Variants in LRRIQ3 observed in about 807,000 individuals in gnomAD.
LRRIQ3 encodes leucine rich repeats and IQ motif containing 3, also known as leucine-rich repeat and IQ domain-containing protein 3.
In LRRIQ3, 75 loss-of-function variants were observed where a neutral mutation model predicts 59.3. The observed-to-expected ratio is 1.26, with a 90% CI of 1.05 to 1.53. The LOEUF is 1.53. LRRIQ3 is among the 40% of genes most tolerant of loss of function. LRRIQ3 has a pLI of 0.00. For synonymous variants in LRRIQ3, 250 were observed against 231.3 expected, an observed-to-expected ratio of 1.08 and a Z score of -0.73; for missense variants, 831 against 710.0, an observed-to-expected ratio of 1.17 and a Z score of -1.94.
chr1:74,119,232 T>A (rs542179666), intron 4 of LRRIQ3, among the ~76,000 whole-genome samples: 195 of 152,124 alleles, frequency 1.3e-3, no homozygotes, highest in African/African-American at 4.6e-3. Flanking sequence ...CCACTTTAAA[T>A]TTTTTTTCAA....
chr1:74,060,646 C>A (rs1435442810), intron 6 of LRRIQ3, among the ~76,000 whole-genome samples: 1 of 151,826 alleles, frequency 6.6e-6, no homozygotes, highest in Non-Finnish European at 1.5e-5. Flanking sequence ...GTAGTCCCAG[C>A]TAATAGAGAT....
chr1:74,164,706 A>G (rs1435123324), intron 3 of LRRIQ3, among the ~76,000 whole-genome samples: 1 of 151,570 alleles, frequency 6.6e-6, no homozygotes, highest in Non-Finnish European at 1.5e-5. Context: ...TTTACAAAGT[A>G]TGCTTTTGAT....
In LRRIQ3 at chr1:74,160,234, A is replaced by C. The variant is rs140576942; in HGVS notation, c.574-4368T>G. Among the ~76,000 whole-genome samples, 278 of 152,194 alleles carry C rather than the reference A, an allele frequency of 1.8e-3. No homozygotes were observed. The Middle Eastern group carries it at 0.024, about 13-fold the overall frequency. ...ATATCCTCTAAACTCCAAGAACACGAAACTACTTGTTGTCACTTGCATGTG... is the reference window on the plus strand; with the variant it reads ...ATATCCTCTAAACTCCAAGAACACGCAACTACTTGTTGTCACTTGCATGTG... On this transcript the variant is annotated intron_variant, in intron 3 of 7. Transcript: ENST00000354431.
intron 7 of LRRIQ3, 79 bp from the exon 8 acceptor site, chr1:74,027,048 T>G: frequency 1.0e-6 from 1 of 964,580 alleles, no homozygotes; most frequent in Non-Finnish European, 1.5e-6. Flanking sequence ...CTATTAATGA[T>G]AATAATTAGA....
chr1:74,163,313 A>T (rs558287720), intron 3 of LRRIQ3, among the ~76,000 whole-genome samples: 1 of 151,626 alleles, frequency 6.6e-6, no homozygotes, highest in South Asian at 2.1e-4. Flanking sequence ...TCTGTGTGAA[A>T]CTTCCCACAC....
chr1:74,145,540 G>A (rs1012244649), intron 4 of LRRIQ3, among the ~76,000 whole-genome samples: 14 of 152,016 alleles, frequency 9.2e-5, no homozygotes, highest in Non-Finnish European at 2.1e-4. Flanking sequence ...AATTTTATGT[G>A]AGAAGGATTT....
chr1:74,058,445 T>C (rs143210365), intron 6 of LRRIQ3, among the ~76,000 whole-genome samples: 149 of 151,956 alleles, frequency 9.8e-4, no homozygotes, highest in African/African-American at 3.5e-3. Flanking sequence ...GAGAATGTTA[T>C]ATTAAGTGAT....
rs965838770 is a variant in LRRIQ3 at position 74,185,682 on chromosome 1, G to A, written c.1-1998C>T. Among the ~76,000 whole-genome samples the A allele has an allele frequency of 5.9e-5, 9 of 152,162 alleles. No homozygotes were observed. The East Asian group carries it at 1.2e-3, about 20-fold the overall frequency. Reference sequence around the variant, plus strand: ...GAAAGGGCCGGGCGCAGTGGCTCACGCCTGTAATCCCAGCACTTTGGGAGG... The same window carrying A: ...GAAAGGGCCGGGCGCAGTGGCTCACACCTGTAATCCCAGCACTTTGGGAGG... On this transcript the variant is annotated intron_variant, in intron 1 of 7. Coordinates refer to ENST00000354431, the MANE Select transcript of LRRIQ3 (RefSeq NM_001105659.2).
At chr1:74,089,640 C>T (rs1218620739) in intron 5 of LRRIQ3, among the ~76,000 whole-genome samples, 1 of 151,948 alleles carries the variant, frequency 6.6e-6, no homozygotes, top group Non-Finnish European at 1.5e-5. Flanking sequence ...CAAGAATAGA[C>T]AAATTAATGG....
intron 3 of LRRIQ3, among the ~76,000 whole-genome samples, chr1:74,158,949 A>G (rs1478765434): frequency 3.3e-5 from 5 of 152,216 alleles, no homozygotes; most frequent in South Asian, 2.1e-4. Flanking sequence ...TTGGCCCACC[A>G]TCAGCCCCAG....
chr1:74,163,250 T>A (rs923451983), intron 3 of LRRIQ3, among the ~76,000 whole-genome samples: 1 of 151,620 alleles, frequency 6.6e-6, no homozygotes, highest in Non-Finnish European at 1.5e-5. Flanking sequence ...TACCTTTTTA[T>A]TTATTCTTTT....
At chr1:74,031,831 G>T (rs1311122728) in intron 7 of LRRIQ3, among the ~76,000 whole-genome samples, 1 of 152,044 alleles carries the variant, frequency 6.6e-6, no homozygotes, top group Non-Finnish European at 1.5e-5. Context: ...TTATATCCAT[G>T]TATACCAATG....
At chr1:74,087,381 CTTTTTTTTT>C (rs57068994) in intron 5 of LRRIQ3, among the ~76,000 whole-genome samples, 5 of 59,006 alleles carry the variant, frequency 8.5e-5, no homozygotes, top group African/African-American at 2.9e-4. Context: ...AAAATTTTAT[CTTTTTTTTT>C]TTTTTTTTTT....
chr1:74,116,675 T>C (rs1245665855), intron 4 of LRRIQ3, among the ~76,000 whole-genome samples: 2 of 152,070 alleles, frequency 1.3e-5, no homozygotes, highest in African/African-American at 4.8e-5. Context: ...TCAAAGGAAA[T>C]GTTGATCACA....
chr1:74,125,505 T>C (rs1646922771), intron 4 of LRRIQ3, among the ~76,000 whole-genome samples: 1 of 151,928 alleles, frequency 6.6e-6, no homozygotes, highest in Non-Finnish European at 1.5e-5. Flanking sequence ...ACACAGCTTT[T>C]ATTTTGTTGA....
chr1:74,127,587 A>T lies in LRRIQ3; in HGVS notation c.708-18034T>A, dbSNP rs535396686. ...ATAATGATTGTATAAACAAAAAAAG[A>T]GAATTGTAATAAAAATTCGACACTG... On this transcript the variant is annotated intron_variant, in intron 4 of 7. Transcript: ENST00000354431. Among the ~76,000 whole-genome samples, 31 of 152,066 alleles carry T rather than the reference A, an allele frequency of 2.0e-4. No homozygotes were observed. In the South Asian group the frequency reaches 2.7e-3, roughly 13 times the overall value.
Position 74,061,806 on chromosome 1 carries a change from C to T in LRRIQ3, c.997+12855G>A, listed in dbSNP as rs560834314. 3.9e-5 allele frequency among the ~76,000 whole-genome samples: 6 copies of T among 152,126 alleles called. No individual in the cohort carries two copies. In the East Asian group the frequency reaches 7.7e-4, roughly 20 times the overall value. On this transcript the variant is annotated intron_variant, in intron 6 of 7. Transcript: ENST00000354431. ...TCTCAGCAGTTTGGGAGGCCTAGTCCGGTGAATTGCTTGAGCTCAGGAACT... is the reference window on the plus strand; with the variant it reads ...TCTCAGCAGTTTGGGAGGCCTAGTCTGGTGAATTGCTTGAGCTCAGGAACT...
At chr1:74,166,672 A>G (rs1419904497) in intron 3 of LRRIQ3, among the ~76,000 whole-genome samples, 1 of 151,816 alleles carries the variant, frequency 6.6e-6, no homozygotes, top group Non-Finnish European at 1.5e-5. Context: ...TTAGTGCTAT[A>G]AATTTTCCTC....
At chr1:74,188,283 G>A (rs1209038496) in intron 1 of LRRIQ3, among the ~76,000 whole-genome samples, 1 of 152,142 alleles carries the variant, frequency 6.6e-6, no homozygotes, top group Non-Finnish European at 1.5e-5. Flanking sequence ...AGAGTGGGAG[G>A]AGGGAGAGGA....
Sources: gnomAD v4.1 joint callset for allele counts (sites outside exome capture counted in the v4.1 genomes callset) on GRCh38, gnomAD v4.1.1 for gene constraint, MANE v1.5 for transcripts, NCBI Gene and HGNC (gene_info 2026-07-23, HGNC 2026-07-21) for gene names.